Variants in DZIP1 observed in about 807,000 individuals in gnomAD.
The protein encoded by DZIP1 is cilium assembly protein DZIP1.
In DZIP1, 97 loss-of-function variants were observed where a neutral mutation model predicts 107.6. That is an observed-to-expected ratio of 0.90 (90% CI 0.77 to 1.07). The LOEUF (loss-of-function observed/expected upper bound fraction) is 1.07, where lower values mean the gene tolerates loss of function less well. Among genes scored for constraint, DZIP1 ranks in the 50% least tolerant of loss-of-function variants. The probability of loss-of-function intolerance (pLI) is 0.00; values close to 1 mark genes in which losing one functional copy is unlikely to be tolerated. For synonymous variants in DZIP1, 390 were observed against 386.4 expected, an observed-to-expected ratio of 1.01 and a Z score of -0.11; for missense variants, 1,035 against 1,063.6, an observed-to-expected ratio of 0.97 and a Z score of 0.37.
chr13:95,624,684 G>T, intron 8 of DZIP1, 84 bp downstream of exon 8: 1 of 1,227,206 alleles, frequency 8.1e-7, no homozygotes, highest in Non-Finnish European at 1.2e-6. Flanking sequence ...TAAAGTAACT[G>T]CTGGATCCCC....
At chr13:95,582,716 T>C (rs1223367415) in intron 22 of DZIP1, among the ~76,000 whole-genome samples, 1 of 152,230 alleles carries the variant, frequency 6.6e-6, no homozygotes, top group Admixed American at 6.5e-5. Flanking sequence ...CCAAGTAAAG[T>C]GTTAAAAACA....
rs1877392440 is a variant in DZIP1, at chr13:95,633,097, C to T, written c.685+137G>A. ...GCACTGTATGCACCTCCTGAGGGCT[C>T]CATATTTACTTACTGAATTGACAGG... On this transcript the variant is annotated intron_variant, in intron 6 of 22. Coordinates refer to ENST00000376829, the MANE Select transcript of DZIP1 (RefSeq NM_198968.4). 7 of 781,682 alleles carry T rather than the reference C, an allele frequency of 9.0e-6. No individual in the cohort carries two copies. The South Asian group carries it at 9.3e-5, about 10-fold the overall frequency. The allele number at this position is 781,682 out of a possible 1,614,324, so 48.4% of individuals were successfully genotyped here.
At chr13:95,621,399 G>C (rs1298262097) in intron 9 of DZIP1, among the ~76,000 whole-genome samples, 1 of 152,162 alleles carries the variant, frequency 6.6e-6, no homozygotes, top group African/African-American at 2.4e-5. Context: ...ACAGGGACAT[G>C]GTCAGCCTGA....
intron 7 of DZIP1, among the ~76,000 whole-genome samples, chr13:95,628,776 A>G (rs1328094741): frequency 6.6e-6 from 1 of 152,242 alleles, no homozygotes; most frequent in African/African-American, 2.4e-5. Flanking sequence ...AAATAAGCCA[A>G]TGATGACAAA....
intron 5 of DZIP1, among the ~76,000 whole-genome samples, chr13:95,634,386 T>C (rs1594738746): frequency 1.3e-5 from 2 of 151,718 alleles, no homozygotes; most frequent in East Asian, 3.9e-4. Context: ...TTCACGTTTG[T>C]GTACTTCACT....
intron 22 of DZIP1, among the ~76,000 whole-genome samples, chr13:95,583,030 G>C (rs1244147630): frequency 6.6e-6 from 1 of 152,210 alleles, no homozygotes; most frequent in African/African-American, 2.4e-5. Context: ...CAATGTGAGA[G>C]AAAAGGTAGC....
chr13:95,639,901 T>C (rs966121913), intron 5 of DZIP1, among the ~76,000 whole-genome samples: 1 of 152,142 alleles, frequency 6.6e-6, no homozygotes, highest in African/African-American at 2.4e-5. Context: ...CCCAGTGTCA[T>C]TTGAAGATTA....
At chr13:95,605,255 C>G in intron 14 of DZIP1, among the ~76,000 whole-genome samples, 1 of 152,100 alleles carries the variant, frequency 6.6e-6, no homozygotes, top group East Asian at 1.9e-4. Context: ...GTGAAATAAT[C>G]CTTGGATTCC....
At chr13:95,603,306 C>CAAAAAAAAAAAAAAA (rs34995131) in intron 14 of DZIP1, among the ~76,000 whole-genome samples, 5 of 47,964 alleles carry the variant, frequency 1.0e-4, no homozygotes, top group African/African-American at 3.4e-4. Flanking sequence ...TGCCCAGTCT[C>CAAAAAAAAAAAAAAA]AAAAAAAAAA....
chr13:95,608,772 G>A (rs528075145), intron 13 of DZIP1, among the ~76,000 whole-genome samples: 192 of 152,200 alleles, frequency 1.3e-3, no homozygotes, highest in Non-Finnish European at 1.9e-3. Context: ...ACGTCCTTTG[G>A]TCACTACACA....
At chr13:95,636,458 G>T (rs1029407956) in intron 5 of DZIP1, among the ~76,000 whole-genome samples, 1 of 150,202 alleles carries the variant, frequency 6.7e-6, no homozygotes, top group Admixed American at 6.7e-5. Flanking sequence ...CCGGAGAATC[G>T]CTTGAACCTG....
chr13:95,625,076 C>A, intron 7 of DZIP1, 147 bp from the exon 8 acceptor site: 1 of 721,464 alleles, frequency 1.4e-6, no homozygotes, highest in Non-Finnish European at 2.2e-6. Context: ...CCTATCATGG[C>A]AGGTCTGTGC....
At chr13:95,585,942 G>A (rs1437558524) in intron 21 of DZIP1, 64 bp downstream of exon 21, 1 of 1,475,470 alleles carries the variant, frequency 6.8e-7, no homozygotes, top group Non-Finnish European at 9.1e-7. Context: ...TACAAAAAGT[G>A]TGACCATTAA....
intron 6 of DZIP1, among the ~76,000 whole-genome samples, chr13:95,632,215 C>A (rs923573715): frequency 7.2e-5 from 11 of 152,228 alleles, no homozygotes; most frequent in Admixed American, 6.5e-4. Context: ...AAATCTCCAG[C>A]CTGGGTCTCC....
In DZIP1 at chr13:95,606,069, C is replaced by T; in HGVS notation, c.1421-10G>A. On this transcript the variant is annotated splice_polypyrimidine_tract_variant and intron_variant, in intron 13 of 22. Coordinates refer to ENST00000376829, the MANE Select transcript of DZIP1 (RefSeq NM_198968.4). ...AGGGCTGGGGCATTCACTGAAACAG[C>T]ATAAAAAGGAAAAACTCAGAGGTTC... 2.5e-6 allele frequency: 4 copies of T among 1,612,182 alleles called. No homozygotes were observed. Among genetic ancestry groups the T allele is most frequent in the Non-Finnish European group, 3.4e-6 (4 of 1,179,326 alleles).
intron 10 of DZIP1, among the ~76,000 whole-genome samples, chr13:95,613,311 C>T (rs1478488028): frequency 6.6e-6 from 1 of 151,846 alleles, no homozygotes; most frequent in East Asian, 1.9e-4. Context: ...TCAGGAGTTT[C>T]AGACCAGCCT....
chr13:95,616,964 T>C (rs557561740), intron 10 of DZIP1, among the ~76,000 whole-genome samples: 18 of 152,204 alleles, frequency 1.2e-4, no homozygotes, highest in African/African-American at 4.3e-4. Flanking sequence ...TCCTTGCACT[T>C]TGGGAGGCCG....
At position 95,589,227 on chromosome 13, in the gene DZIP1, A is replaced by C; in HGVS notation, c.1974-20T>G. Reference sequence around the variant, plus strand: ...TTAATTCTAAAAAAACAACAGAAAAATATTTTTAAATTGCATAAGTTAATA... The same window carrying C: ...TTAATTCTAAAAAAACAACAGAAAACTATTTTTAAATTGCATAAGTTAATA... On this transcript the variant is annotated intron_variant, in intron 18 of 22. Coordinates refer to ENST00000376829, the MANE Select transcript of DZIP1 (RefSeq NM_198968.4). 1 of 1,529,986 alleles carries C rather than the reference A, an allele frequency of 6.5e-7. No homozygotes were observed. The highest frequency in any genetic ancestry group is 9.0e-7 in the Non-Finnish European group (1 of 1,115,910). The allele number at this position is 1,529,986 out of a possible 1,614,324, so 94.8% of individuals were successfully genotyped here.
At chr13:95,638,304 T>C (rs1220032761) in intron 5 of DZIP1, among the ~76,000 whole-genome samples, 1 of 151,866 alleles carries the variant, frequency 6.6e-6, no homozygotes, top group African/African-American at 2.4e-5. Context: ...TGGCCAGGCT[T>C]CTCTTGAACT....
Sources: allele counts gnomAD v4.1 joint callset (sites outside exome capture counted in the v4.1 genomes callset), GRCh38; gene constraint gnomAD v4.1.1; transcripts MANE v1.5; gene names NCBI Gene and HGNC (gene_info 2026-07-23, HGNC 2026-07-21).